The following KIF21A variants were observed in gnomAD, a reference collection of about 807,000 sequenced individuals.
KIF21A encodes the protein kinesin-like protein KIF21A.
In KIF21A, 114 loss-of-function variants were observed where a neutral mutation model predicts 202.9. The observed-to-expected ratio is 0.56, with a 90% CI of 0.48 to 0.66. KIF21A has a LOEUF of 0.66. KIF21A is among the 30% of genes least tolerant of loss of function. KIF21A has a pLI of 0.00. For missense variants in KIF21A, 1,677 were observed against 1,994.9 expected (o/e 0.84, Z 3.04); for synonymous variants, 667 against 670.8 (o/e 0.99, Z 0.09).
At chr12:39,310,169 T>C (rs1943889010) in intron 32 of KIF21A, among the ~76,000 whole-genome samples, 1 of 152,022 alleles carries the variant, frequency 6.6e-6, no homozygotes, top group East Asian at 1.9e-4. Flanking sequence ...TATACACACA[T>C]TTTTCCCCCC....
intron 1 of KIF21A, among the ~76,000 whole-genome samples, chr12:39,437,616 C>G (rs1938997347): frequency 6.6e-6 from 1 of 152,146 alleles, no homozygotes; most frequent in Non-Finnish European, 1.5e-5. Context: ...AACAAAAACT[C>G]AAATCTAACA....
intron 1 of KIF21A, among the ~76,000 whole-genome samples, chr12:39,440,409 C>T (rs920957703): frequency 6.6e-6 from 1 of 152,110 alleles, no homozygotes; most frequent in African/African-American, 2.4e-5. Context: ...TTCTGTGCCT[C>T]ATCTGTAAAT....
intron 29 of KIF21A, among the ~76,000 whole-genome samples, chr12:39,316,373 A>G (rs141724126): frequency 1.5e-3 from 234 of 151,710 alleles, no homozygotes; most frequent in African/African-American, 5.5e-3. Flanking sequence ...CACCTTGATA[A>G]TTATCACTTT....
At chr12:39,362,994 A>G (rs1949344716) in intron 7 of KIF21A, 104 bp downstream of exon 7, 1 of 757,008 alleles carries the variant, frequency 1.3e-6, no homozygotes, top group African/African-American at 1.7e-5. Flanking sequence ...TCCTCATCCT[A>G]TTAGTTTGCT....
At chr12:39,315,695 G>C (rs2137505343) in intron 30 of KIF21A, among the ~76,000 whole-genome samples, 1 of 151,836 alleles carries the variant, frequency 6.6e-6, no homozygotes, top group African/African-American at 2.4e-5. Context: ...TCAGATTACA[G>C]ACAGAAAACA....
intron 1 of KIF21A, among the ~76,000 whole-genome samples, chr12:39,371,501 C>A (rs979997140): frequency 6.6e-6 from 1 of 152,102 alleles, no homozygotes; most frequent in Non-Finnish European, 1.5e-5. Flanking sequence ...AAATCTAGTC[C>A]TATTCTATAG....
At position 39,326,434 on chromosome 12, in the gene KIF21A, G is replaced by C. The variant is rs985910710; in HGVS notation, c.3341-110C>G. 52 of 744,688 alleles carry C rather than the reference G, an allele frequency of 7.0e-5. No individual in the cohort carries two copies. In the East Asian group the frequency reaches 1.3e-3, roughly 19 times the overall value. 46.1% of individuals were successfully genotyped at this position (744,688 alleles called of 1,614,324 possible). ...CAGCTCAACATCTCAATATGGGCACGATGGTTTTAGTAGCTGAATCTAAAT... is the reference window on the plus strand; with the variant it reads ...CAGCTCAACATCTCAATATGGGCACCATGGTTTTAGTAGCTGAATCTAAAT... On this transcript the variant is annotated intron_variant, in intron 24 of 37. Coordinates refer to ENST00000361418, the MANE Select transcript of KIF21A (RefSeq NM_001173464.2).
chr12:39,297,267 G>A, intron 37 of KIF21A, among the ~76,000 whole-genome samples: 1 of 152,102 alleles, frequency 6.6e-6, no homozygotes, highest in East Asian at 1.9e-4. Flanking sequence ...AAATCATGCT[G>A]CTATAAAGAC....
At chr12:39,421,519 C>G (rs1566300638) in intron 1 of KIF21A, among the ~76,000 whole-genome samples, 1 of 151,722 alleles carries the variant, frequency 6.6e-6, no homozygotes, top group Non-Finnish European at 1.5e-5. Context: ...ATGGTAAAAC[C>G]CTTTCTCTAC....
chr12:39,357,681 G>A (rs1948879754), intron 8 of KIF21A, among the ~76,000 whole-genome samples: 1 of 151,672 alleles, frequency 6.6e-6, no homozygotes. Context: ...AGGCCAAAGT[G>A]GGCAGATCAC....
intron 1 of KIF21A, among the ~76,000 whole-genome samples, chr12:39,386,403 T>C (rs149060029): frequency 1.8e-3 from 269 of 152,302 alleles, no homozygotes; most frequent in African/African-American, 5.7e-3. Flanking sequence ...CTGCTTATAG[T>C]CTGGTTGTAA....
Position 39,309,771 on chromosome 12 carries a change from A to C in KIF21A, c.4097-5T>G, listed in dbSNP as rs1295820761. The C allele has an allele frequency of 6.2e-7, 1 of 1,611,636 alleles. No homozygotes were observed. The highest frequency in any genetic ancestry group is 8.5e-7 in the Non-Finnish European group (1 of 1,178,980). On this transcript the variant is annotated splice_region_variant and splice_polypyrimidine_tract_variant and intron_variant, in intron 32 of 37. Coordinates refer to ENST00000361418, the MANE Select transcript of KIF21A (RefSeq NM_001173464.2). Reference sequence around the variant, plus strand: ...TCCATACTTTACAAGTACGATCTAAAACAAACACATAAAAAAAAGAAAACA... The same window carrying C: ...TCCATACTTTACAAGTACGATCTAACACAAACACATAAAAAAAAGAAAACA...
At chr12:39,316,480 T>C (rs2137532747) in intron 29 of KIF21A, among the ~76,000 whole-genome samples, 1 of 152,312 alleles carries the variant, frequency 6.6e-6, no homozygotes, top group South Asian at 2.1e-4. Context: ...CTTTAACTTA[T>C]CTCAAAAACA....
intron 27 of KIF21A, chr12:39,321,463 A>C (rs963011012): frequency 6.6e-5 from 10 of 152,172 alleles, no homozygotes; most frequent in Admixed American, 5.9e-4. Flanking sequence ...GTTCTACATC[A>C]CTACCTTCAC....
chr12:39,360,080 G>T (rs187595469), intron 7 of KIF21A, among the ~76,000 whole-genome samples: 39 of 152,170 alleles, frequency 2.6e-4, no homozygotes, highest in African/African-American at 8.9e-4. Flanking sequence ...AATAGTGAAA[G>T]TCAGGAATAA....
At chr12:39,295,314 T>C (rs1461447200) in intron 37 of KIF21A, among the ~76,000 whole-genome samples, 1 of 152,222 alleles carries the variant, frequency 6.6e-6, no homozygotes, top group African/African-American at 2.4e-5. Context: ...ATAATCACAT[T>C]TCTTAACATA....
In KIF21A at chr12:39,370,065, T is replaced by C. The variant is rs1411594155; in HGVS notation, c.241A>G (p.Asn81Asp). 1.2e-6 allele frequency: 2 copies of C among 1,613,596 alleles called. No individual in the cohort carries two copies. The highest frequency in any genetic ancestry group is 1.3e-5 in the African/African-American group (1 of 74,924). The change falls in exon 2 of 38, where the codon AAT becomes GAT. Residue 81 changes from asparagine to aspartate, a missense_variant. This residue lies in a region of KIF21A where 966 missense variants were observed against 1,180.9 expected (regional missense o/e 0.82). Coordinates refer to ENST00000361418, the MANE Select transcript of KIF21A (RefSeq NM_001173464.2). The stretch of plus-strand genomic sequence containing the variant: ...TGTCCATAAGCAAAAACTGTAGCAT[T>C]GTATCCTTCAAAGCAACCTTCAATT... Reference protein sequence around the residue: ...KLIEGCFEGYNATVFAYGQTG... With the variant: ...KLIEGCFEGYDATVFAYGQTG...
Position 39,293,467 on chromosome 12 carries a change from C to CTA in KIF21A, c.*955_*956dup, listed in dbSNP as rs1942029035. The CTA allele has an allele frequency of 6.6e-6, 1 of 152,570 alleles. No individual in the cohort carries two copies. Among genetic ancestry groups the CTA allele is most frequent in the African/African-American group, 2.4e-5 (1 of 41,424 alleles). The allele number at this position is 152,570 out of a possible 1,614,324, so 9.5% of individuals were successfully genotyped here. On this transcript the variant is annotated 3_prime_UTR_variant, in exon 38 of 38. Coordinates refer to ENST00000361418, the MANE Select transcript of KIF21A (RefSeq NM_001173464.2). ...ACAGGCACAACACAAGATAGTCTCT[C>CTA]TATACAATCTACCTATTTACATAGC... is the stretch of plus-strand genomic sequence containing the variant.
chr12:39,390,681 C>T (rs952904440), intron 1 of KIF21A, among the ~76,000 whole-genome samples: 3 of 151,562 alleles, frequency 2.0e-5, no homozygotes, highest in Non-Finnish European at 4.4e-5. Context: ...TGACTGATTG[C>T]TTTAAAGAAG....
Sources: allele counts gnomAD v4.1 joint callset (sites outside exome capture counted in the v4.1 genomes callset), GRCh38; gene constraint gnomAD v4.1.1; regional missense constraint gnomAD v4.1.1; transcripts MANE v1.5; gene names NCBI Gene and HGNC (gene_info 2026-07-23, HGNC 2026-07-21).